NCOR2: variants seen among roughly 807,000 people sequenced by gnomAD.
NCOR2 encodes nuclear receptor corepressor 2.
A neutral mutation model predicts 262.9 loss-of-function variants in NCOR2; 81 were observed. The ratio of observed to expected loss-of-function variants is 0.31; its 90% CI spans 0.26 to 0.37. The LOEUF is 0.37. Among genes scored for constraint, NCOR2 ranks in the 10% least tolerant of loss-of-function variants. NCOR2 has a pLI of 1.00. For synonymous variants in NCOR2, 1,659 were observed against 1,559.3 expected, an observed-to-expected ratio of 1.06 and a Z score of -1.51; for missense variants, 3,385 against 3,621.4, an observed-to-expected ratio of 0.93 and a Z score of 1.68.
At chr12:124,396,609 G>A (rs960036731) in intron 16 of NCOR2, among the ~76,000 whole-genome samples, 4 of 152,070 alleles carry the variant, frequency 2.6e-5, no homozygotes, top group Admixed American at 6.5e-5. Context: ...GACCTGCAGC[G>A]GCAGGCAGGC....
At chr12:124,355,668 G>A in intron 23 of NCOR2, 97 bp from the exon 26 acceptor site, 4 of 1,429,078 alleles carry the variant, frequency 2.8e-6, no homozygotes, top group Non-Finnish European at 2.7e-6. Flanking sequence ...CCCTGTCCTG[G>A]CCAGGAAGTG....
chr12:124,380,440 TGCCCACAGG>T (rs1238960099), intron 17 of NCOR2, among the ~76,000 whole-genome samples: 1 of 152,212 alleles, frequency 6.6e-6, no homozygotes, highest in South Asian at 2.1e-4. Flanking sequence ...CCCCTGCCAG[TGCCCACAGG>T]GCCCACAGGG....
chr12:124,343,046 A>G (rs1487235909), exon 33 of NCOR2: 2 of 1,612,066 alleles, frequency 1.2e-6, no homozygotes, highest in Non-Finnish European at 1.7e-6. Flanking sequence ...GGTGGGGTCG[A>G]AGGCCAGGGG....
exon 40 of NCOR2, chr12:124,335,207 G>T (rs2035776850): frequency 6.2e-7 from 1 of 1,610,920 alleles, no homozygotes; most frequent in South Asian, 1.1e-5. Context: ...GCAGCGGGCT[G>T]GACGAGGGCT....
chr12:124,397,800 G>C (rs1396964837), intron 16 of NCOR2, among the ~76,000 whole-genome samples: 1 of 152,156 alleles, frequency 6.6e-6, no homozygotes, highest in Non-Finnish European at 1.5e-5. Flanking sequence ...TGTCCCCAAG[G>C]CCCAGAGGTG....
At chr12:124,538,066 G>GCTC (rs2051169149), upstream of NCOR2, 1 of 152,388 alleles carries the variant, frequency 6.6e-6, no homozygotes, top group Admixed American at 6.5e-5. Context: ...CCTGGCAGGC[G>GCTC]CTCTCCCTGG....
At chr12:124,363,009 C>T (rs2038736751) in intron 21 of NCOR2, among the ~76,000 whole-genome samples, 1 of 152,294 alleles carries the variant, frequency 6.6e-6, no homozygotes, top group African/African-American at 2.4e-5. Context: ...TGGTGGTGGA[C>T]AGGAGGCTAG....
In NCOR2 at chr12:124,503,479, ATGGATGATGGAT is replaced by A. The variant is rs1379652721; in HGVS notation, c.-117-8123_-117-8112del. Among the ~76,000 whole-genome samples the A allele has an allele frequency of 2.0e-5, 3 of 148,194 alleles. No homozygotes were observed. Among genetic ancestry groups the A allele is most frequent in the African/African-American group, 7.8e-5 (3 of 38,452 alleles). On this transcript the variant is annotated intron_variant, in intron 1 of 46. Transcript: ENST00000404621. The surrounding 1 kb of genome is among the most constrained non-coding windows in gnomAD (Gnocchi z 4.3). ...GATGCATGGACTGATGGATGGATGG[ATGGATGATGGAT>A]TGATGGATGGATGGATGGATGGACA...
exon 20 of NCOR2, chr12:124,372,436 G>A (rs558636368): frequency 1.8e-5 from 28 of 1,528,108 alleles, no homozygotes; most frequent in African/African-American, 4.1e-5. Flanking sequence ...TTCAGAGGCC[G>A]GGGTGGGCTC....
intron 2 of NCOR2, among the ~76,000 whole-genome samples, chr12:124,485,954 C>T (rs2047747118): frequency 9.2e-6 from 1 of 108,458 alleles, no homozygotes; most frequent in Non-Finnish European, 2.1e-5. Context: ...GCTCCCCACC[C>T]CACCTCCCTC....
chr12:124,334,555 GGCGGGCAGGGGT>G, exon 41 of NCOR2: 1 of 1,417,028 alleles, frequency 7.1e-7, no homozygotes, highest in Non-Finnish European at 9.2e-7. Flanking sequence ...AGTAGAGGGG[GGCGGGCAGGGGT>G]GCGCTGAGCT....
At chr12:124,477,460 G>A (rs753408684) in intron 3 of NCOR2, among the ~76,000 whole-genome samples, 2 of 152,160 alleles carry the variant, frequency 1.3e-5, no homozygotes, top group African/African-American at 4.8e-5. Flanking sequence ...CTTTATTAGC[G>A]GTGTAAGAAC....
chr12:124,502,408 G>C lies in NCOR2; in HGVS notation c.-117-7040C>G, dbSNP rs184549824. 1.8e-3 allele frequency among the ~76,000 whole-genome samples: 279 copies of C among 152,330 alleles called. 1 individual carries two copies. The highest frequency in any genetic ancestry group is 6.4e-3 in the African/African-American group (266 of 41,580). ...AGAGGATGGCAGAAGGTGTTAGCAC[G>C]ATGGAGAAAAACAGAACCAGGAGGC... On this transcript the variant is annotated intron_variant, in intron 1 of 46. Coordinates refer to the NCOR2 transcript ENST00000404621.
chr12:124,430,811 C>G, intron 8 of NCOR2, 24 bp from the exon 11 acceptor site: 2 of 1,580,656 alleles, frequency 1.3e-6, no homozygotes, highest in Non-Finnish European at 1.7e-6. Flanking sequence ...GGGGGCACTG[C>G]GGAAGATGCT....
chr12:124,480,767 T>C (rs1177198053), intron 3 of NCOR2, among the ~76,000 whole-genome samples: 1 of 147,602 alleles, frequency 6.8e-6, no homozygotes, highest in Non-Finnish European at 1.5e-5. Flanking sequence ...TGTGAGTTCC[T>C]GCAAGGGCTG....
intron 23 of NCOR2, 47 bp from the exon 26 acceptor site, chr12:124,355,618 T>G (rs2037886210): frequency 6.7e-7 from 1 of 1,502,804 alleles, no homozygotes; most frequent in African/African-American, 1.4e-5. Context: ...AGCGGTCACG[T>G]CCCTGCCGGA....
chr12:124,360,447 T>C (rs1182714430), intron 22 of NCOR2, among the ~76,000 whole-genome samples: 1 of 152,220 alleles, frequency 6.6e-6, no homozygotes, highest in Non-Finnish European at 1.5e-5. Context: ...AGCTGCGCTG[T>C]GACCTCCCGC....
chr12:124,334,033 G>T (rs1012404807), intron 41 of NCOR2, among the ~76,000 whole-genome samples: 3 of 88,044 alleles, frequency 3.4e-5, no homozygotes, highest in Non-Finnish European at 9.9e-5. Flanking sequence ...TGTGTGGAAA[G>T]GCTGCTCTCT....
chr12:124,563,775 C>T (rs1423473814), intron 1 of NCOR2, among the ~76,000 whole-genome samples: 3 of 152,272 alleles, frequency 2.0e-5, no homozygotes, highest in East Asian at 1.9e-4. Context: ...CTGGGGAGAA[C>T]GAGTTCTCAG....
Sources: allele counts gnomAD v4.1 joint callset (sites outside exome capture counted in the v4.1 genomes callset), GRCh38; gene constraint gnomAD v4.1.1; non-coding constraint Gnocchi (gnomAD v3.1); transcripts MANE v1.5; gene names NCBI Gene and HGNC (gene_info 2026-07-23, HGNC 2026-07-21).